CGGBP1: variants seen among roughly 807,000 people sequenced by gnomAD.
CGGBP1 encodes the protein CGG triplet repeat binding protein 1.
Under a neutral mutation model 11.4 loss-of-function variants are expected in CGGBP1, and 4 were observed. The ratio of observed to expected loss-of-function variants is 0.35; its 90% CI spans 0.17 to 0.80. The LOEUF (loss-of-function observed/expected upper bound fraction) is 0.80. Among genes scored for constraint, CGGBP1 ranks in the 30% least tolerant of loss-of-function variants. The probability of loss-of-function intolerance (pLI) is 0.52; values close to 1 mark genes in which losing one functional copy is unlikely to be tolerated. For missense variants in CGGBP1, 135 were observed against 202.1 expected, an observed-to-expected ratio of 0.67 and a Z score of 2.01; for synonymous variants, 76 against 74.1, an observed-to-expected ratio of 1.03 and a Z score of -0.13.
chr3:88,058,903 G>C lies in CGGBP1; in HGVS notation c.-419C>G, dbSNP rs1442486530. 1.1e-5 allele frequency: 2 copies of C among 181,612 alleles called. No individual in the cohort carries two copies. Among genetic ancestry groups the C allele is most frequent in the Non-Finnish European group, 2.3e-5 (2 of 87,856 alleles). 11.3% of individuals were successfully genotyped at this position (181,612 alleles called of 1,614,324 possible). On this transcript the variant is annotated 5_prime_UTR_variant, in exon 1 of 4. Coordinates refer to ENST00000482016, the MANE Select transcript of CGGBP1 (RefSeq NM_001008390.2). ...AAGAAAGAGGAGCAAGGGAATAAGGGAGGAGGAGGATCCGTCGCTGCCGCC... is the reference window on the plus strand; with the variant it reads ...AAGAAAGAGGAGCAAGGGAATAAGGCAGGAGGAGGATCCGTCGCTGCCGCC...
chr3:88,059,560 G>A (rs1293497967), upstream of CGGBP1: 2 of 1,444,482 alleles, frequency 1.4e-6, no homozygotes, highest in South Asian at 1.5e-5. Flanking sequence ...GCCTCTCTGC[G>A]TCTCCTGGTC....
chr3:88,055,605 T>G lies in CGGBP1; in HGVS notation c.372A>C (p.Pro124=), dbSNP rs769894979. 1.2e-6 allele frequency: 2 copies of G among 1,614,192 alleles called. No homozygotes were observed. Among genetic ancestry groups the G allele is most frequent in the East Asian group, 4.5e-5 (2 of 44,884 alleles). The change falls in exon 4 of 4, where the codon CCA becomes CCC. Residue 124 remains proline, a synonymous_variant. Transcript: ENST00000482016. This position sits in a 1 kb window ranked among gnomAD's most constrained non-coding sequence, Gnocchi z 4.2. The stretch of plus-strand genomic sequence containing the variant: ...GGCGAGATAGGAAAGCACGGACTGC[T>G]GGGTGATCAGCCTTCTCAAGTGGGA... ...ANIPLEKADH[P]AVRAFLSRHV...
chr3:88,087,395 A>G (rs974975398), intron 2 of CGGBP1, among the ~76,000 whole-genome samples: 16 of 152,336 alleles, frequency 1.1e-4, no homozygotes, highest in Admixed American at 9.8e-4. Context: ...GTTTTTAAAA[A>G]ATGCTTATAG....
At chr3:88,143,716 C>T (rs1384404365) in intron 1 of CGGBP1, 3 of 152,132 alleles carry the variant, frequency 2.0e-5, no homozygotes, top group Non-Finnish European at 4.4e-5. Context: ...AGGTTTATTT[C>T]TACTTTTGTG....
intron 2 of CGGBP1, among the ~76,000 whole-genome samples, chr3:88,098,982 C>T (rs986823098): frequency 3.9e-5 from 6 of 152,090 alleles, no homozygotes; most frequent in African/African-American, 7.2e-5. Flanking sequence ...AAGTTCTGGC[C>T]GGGGCAATCA....
intron 2 of CGGBP1, among the ~76,000 whole-genome samples, chr3:88,132,667 T>C (rs1438621196): frequency 2.0e-5 from 3 of 152,196 alleles, no homozygotes; most frequent in Non-Finnish European, 4.4e-5. Flanking sequence ...TATTAGGATA[T>C]TGCAGTGTAC....
At chr3:88,093,960 C>T (rs372595432) in intron 2 of CGGBP1, among the ~76,000 whole-genome samples, 29 of 152,212 alleles carry the variant, frequency 1.9e-4, no homozygotes, top group African/African-American at 5.5e-4. Flanking sequence ...TTTATATTGA[C>T]GAACAATTAT....
At chr3:88,091,971 T>TA (rs1199196709) in intron 2 of CGGBP1, among the ~76,000 whole-genome samples, 1 of 152,200 alleles carries the variant, frequency 6.6e-6, no homozygotes, top group African/African-American at 2.4e-5. Flanking sequence ...ACTGCCCATG[T>TA]AAAAAATAAT....
intron 2 of CGGBP1, among the ~76,000 whole-genome samples, chr3:88,134,523 T>C (rs1559732810): frequency 6.6e-6 from 1 of 152,038 alleles, no homozygotes; most frequent in Non-Finnish European, 1.5e-5. Flanking sequence ...AGAATCTACC[T>C]ATGAAATAGT....
At chr3:88,093,131 A>G (rs1424700250) in intron 2 of CGGBP1, among the ~76,000 whole-genome samples, 1 of 152,198 alleles carries the variant, frequency 6.6e-6, no homozygotes, top group Non-Finnish European at 1.5e-5. Flanking sequence ...TGTAGATAAG[A>G]AAACTGAAGC....
chr3:88,074,506 T>C (rs1707692447), intron 2 of CGGBP1, among the ~76,000 whole-genome samples: 1 of 152,082 alleles, frequency 6.6e-6, no homozygotes, highest in African/African-American at 2.4e-5. Flanking sequence ...CATGCCTGGC[T>C]AATTTTTATA....
chr3:88,113,264 A>G, intron 2 of CGGBP1: 1 of 951,976 alleles, frequency 1.1e-6, no homozygotes, highest in Admixed American at 2.6e-5. Context: ...CCCCCTAAAT[A>G]TAGCTTATTG....
intron 2 of CGGBP1, among the ~76,000 whole-genome samples, chr3:88,110,961 G>A (rs1306087282): frequency 2.0e-5 from 3 of 151,962 alleles, no homozygotes; most frequent in Admixed American, 6.6e-5. Flanking sequence ...TGTTATTTAG[G>A]TAACTGGTAG....
intron 2 of CGGBP1, among the ~76,000 whole-genome samples, chr3:88,088,761 T>TATGGATGGATGG (rs931246026): frequency 7.9e-6 from 1 of 126,428 alleles, no homozygotes; most frequent in African/African-American, 3.0e-5. Flanking sequence ...TGTATGTATG[T>TATGGATGGATGG]ATGGATGGAT....
At chr3:88,059,552 C>T (rs780011976), upstream of CGGBP1, 95 of 1,448,200 alleles carry the variant, frequency 6.6e-5, no homozygotes, top group Non-Finnish European at 8.4e-5. Context: ...GGTCCTGGGC[C>T]TCTCTGCGTC....
chr3:88,138,314 T>G (rs1438161935), intron 2 of CGGBP1, among the ~76,000 whole-genome samples: 1 of 152,122 alleles, frequency 6.6e-6, no homozygotes, highest in Non-Finnish European at 1.5e-5. Context: ...GATAAATCTG[T>G]TAAAATACAC....
chr3:88,073,559 A>G (rs1707633882), intron 2 of CGGBP1, among the ~76,000 whole-genome samples: 2 of 152,226 alleles, frequency 1.3e-5, no homozygotes, highest in South Asian at 4.1e-4. Context: ...TATTATGTAT[A>G]CTAAAGTACT....
intron 2 of CGGBP1, among the ~76,000 whole-genome samples, chr3:88,136,921 G>A (rs1292691169): frequency 2.6e-5 from 4 of 152,038 alleles, no homozygotes; most frequent in African/African-American, 4.8e-5. Flanking sequence ...TAGGCTGGGC[G>A]CGATGGCTTA....
intron 2 of CGGBP1, among the ~76,000 whole-genome samples, chr3:88,117,724 G>C (rs1385734602): frequency 2.0e-5 from 3 of 152,074 alleles, no homozygotes; most frequent in Non-Finnish European, 4.4e-5. Context: ...TCTGGAACTA[G>C]GATCTCAGAT....
Sources: allele counts gnomAD v4.1 joint callset (sites outside exome capture counted in the v4.1 genomes callset), GRCh38; gene constraint gnomAD v4.1.1; non-coding constraint Gnocchi (gnomAD v3.1); transcripts MANE v1.5; gene names NCBI Gene and HGNC (gene_info 2026-07-23, HGNC 2026-07-21).